The following MID1 variants were observed in gnomAD, a reference collection of about 807,000 sequenced individuals.
The protein encoded by MID1 is midline 1, also known as E3 ubiquitin-protein ligase Midline-1.
A neutral mutation model predicts 40.4 loss-of-function variants in MID1; 7 were observed. That is an observed-to-expected ratio of 0.17 (90% confidence interval 0.10 to 0.33). The LOEUF is 0.33. MID1 is among the 10% of genes least tolerant of loss of function. The pLI is 1.00. For synonymous variants in MID1, 229 were observed against 221.2 expected, an observed-to-expected ratio of 1.04 and a Z score of -0.31; for missense variants, 367 against 558.5, an observed-to-expected ratio of 0.66 and a Z score of 3.46.
At chrX:10,602,022 C>T (rs1305902301) in intron 1 of MID1, among the ~76,000 whole-genome samples, 2 of 108,058 alleles carry the variant, frequency 1.9e-5, no homozygotes, top group Non-Finnish European at 3.8e-5. Context: ...CTCAGCCTCC[C>T]GAGTAGCTGG....
intron 1 of MID1, among the ~76,000 whole-genome samples, chrX:10,814,710 C>T (rs1262766647): frequency 9.0e-6 from 1 of 110,938 alleles, no homozygotes; most frequent in Non-Finnish European, 1.9e-5. Context: ...CTCCTGCCCC[C>T]CTATCCTTAG....
chrX:10,614,722 C>G (rs923906032), intron 1 of MID1, among the ~76,000 whole-genome samples: 2 of 112,117 alleles, frequency 1.8e-5, no homozygotes, highest in Non-Finnish European at 3.8e-5. Flanking sequence ...CAGAAGACAT[C>G]AGAAGGATGG....
Position 10,454,984 on chromosome X carries a change from T to C in MID1, c.1541A>G (p.Lys514Arg). 4 of 1,209,795 alleles carry C rather than the reference T, an allele frequency of 3.3e-6. No individual in the cohort carries two copies. The highest frequency in any genetic ancestry group is 4.5e-6 in the Non-Finnish European group (4 of 893,585). The change falls in exon 9 of 10, where the codon AAG becomes AGG. Residue 514 changes from lysine to arginine, a missense_variant. Coordinates refer to ENST00000317552, the MANE Select transcript of MID1 (RefSeq NM_000381.4). ...GAAGCGTTCAGGTGTGTGACTCTTC[T>C]TGGATGATGACTCATCACGTTCTAC... is the stretch of plus-strand genomic sequence containing the variant. ...LTVERDESSS[K>R]KSHTPERFTS...
In MID1 at chrX:10,449,088, A is replaced by T; in HGVS notation, c.*280T>A. On this transcript the variant is annotated 3_prime_UTR_variant, in exon 10 of 10. Transcript: ENST00000317552. ...ATGGGCCTCTTAATGTGCAAAACCA[A>T]GTAATTCCTAAAAGTTGTAATCCTG... is the stretch of plus-strand genomic sequence containing the variant. The T allele has an allele frequency of 6.9e-6, 2 of 291,675 alleles. No individual in the cohort carries two copies. The highest frequency in any genetic ancestry group is 1.2e-5 in the Non-Finnish European group (2 of 166,491). The allele number at this position is 291,675 out of a possible 1,213,427, so 24.0% of individuals were successfully genotyped here.
chrX:10,521,998 C>G (rs1412353621), intron 3 of MID1, among the ~76,000 whole-genome samples: 1 of 111,357 alleles, frequency 9.0e-6, no homozygotes. Flanking sequence ...TGCTCCCACG[C>G]CTGGCTAATT....
intron 1 of MID1, among the ~76,000 whole-genome samples, chrX:10,825,807 C>A (rs1240893101): frequency 2.7e-5 from 3 of 111,329 alleles, no homozygotes; most frequent in Non-Finnish European, 5.7e-5. Flanking sequence ...ATATCCCACC[C>A]CAGGAAGTTA....
intron 1 of MID1, among the ~76,000 whole-genome samples, chrX:10,659,050 C>T (rs1220652980): frequency 3.7e-5 from 4 of 109,085 alleles, no homozygotes; most frequent in Non-Finnish European, 7.6e-5. Context: ...AACAAGGGTG[C>T]ATCCAAACTT....
chrX:10,488,260 A>G (rs1310516734), intron 4 of MID1, among the ~76,000 whole-genome samples: 1 of 111,635 alleles, frequency 9.0e-6, no homozygotes, highest in Admixed American at 9.5e-5. Context: ...CTGGGATTAC[A>G]GGTGTGAGCC....
chrX:10,571,914 G>A lies in MID1; in HGVS notation c.-56-4311C>T, dbSNP rs747920054. 5.5e-5 allele frequency among the ~76,000 whole-genome samples: 6 copies of A among 109,210 alleles called. No individual in the cohort carries two copies. In the East Asian group the frequency reaches 1.7e-3, roughly 31 times the overall value. 94.8% of individuals were successfully genotyped at this position (109,210 alleles called of 115,157 possible). A position where few individuals can be genotyped will look rare whatever the true frequency, so the allele number is the denominator to read the frequency against. On this transcript the variant is annotated intron_variant, in intron 1 of 9. Coordinates refer to ENST00000317552, the MANE Select transcript of MID1 (RefSeq NM_000381.4). ...GAAAAAAAAATGAACAAGGTGTAAT[G>A]CAACATAAAAAAAGATGCATGCCAA... is the stretch of plus-strand genomic sequence containing the variant.
intron 1 of MID1, among the ~76,000 whole-genome samples, chrX:10,694,496 C>A (rs903719220): frequency 6.2e-5 from 7 of 112,099 alleles, no homozygotes; most frequent in African/African-American, 2.3e-4. Flanking sequence ...TGCAAGTCCC[C>A]AGGCACCAAA....
intron 2 of MID1, among the ~76,000 whole-genome samples, chrX:10,553,425 A>G (rs1343624738): frequency 9.0e-6 from 1 of 111,535 alleles, no homozygotes; most frequent in Non-Finnish European, 1.9e-5. Context: ...AATGGATAAC[A>G]GATCAAAAAG....
intron 2 of MID1, among the ~76,000 whole-genome samples, chrX:10,564,917 A>G (rs143726501): frequency 7.4e-4 from 81 of 109,526 alleles, no homozygotes; most frequent in African/African-American, 2.6e-3. Context: ...TGGCATGTTT[A>G]CATTTTGGAA....
chrX:10,831,035 G>T lies in MID1; in HGVS notation c.-187+2519C>A, dbSNP rs148165635. Reference sequence around the variant, plus strand: ...CATGACAGAGAAATTGATGCAATCTGCACCATATATGGAGGTAAACTGATG... The same window carrying T: ...CATGACAGAGAAATTGATGCAATCTTCACCATATATGGAGGTAAACTGATG... On this transcript the variant is annotated intron_variant, in intron 1 of 10. Transcript: ENST00000380785. Among the ~76,000 whole-genome samples, 413 of 111,484 alleles carry T rather than the reference G, an allele frequency of 3.7e-3. 1 individual carries two copies. Among genetic ancestry groups the T allele is most frequent in the Middle Eastern group, 0.023 (5 of 215 alleles).
At chrX:10,498,019 G>A (rs143428050) in intron 3 of MID1, among the ~76,000 whole-genome samples, 1,291 of 112,547 alleles carry the variant, frequency 0.011, 8 homozygotes, top group Middle Eastern at 0.023. Context: ...TCAACATGCA[G>A]GTAATGGATT....
At chrX:10,568,468 G>A (rs896964962) in intron 1 of MID1, among the ~76,000 whole-genome samples, 4 of 111,563 alleles carry the variant, frequency 3.6e-5, no homozygotes, top group African/African-American at 1.3e-4. Context: ...GATAAGTTAT[G>A]TTATGACAAT....
rs1288702836 is a variant in MID1, at chrX:10,785,833, T to C, written c.-187+47721A>G. 9.6e-4 allele frequency among the ~76,000 whole-genome samples: 106 copies of C among 110,344 alleles called. 1 individual carries two copies. The highest frequency in any genetic ancestry group is 3.3e-3 in the African/African-American group (102 of 30,511). On this transcript the variant is annotated intron_variant, in intron 1 of 10. Transcript: ENST00000380785. ...AAATTAATTCAAGATGGATTAAAGA[T>C]TTAAATGTTAGACCTAAAACCATAA...
chrX:10,605,236 G>A (rs1008884982), intron 1 of MID1, among the ~76,000 whole-genome samples: 10 of 111,808 alleles, frequency 8.9e-5, no homozygotes, highest in African/African-American at 3.3e-4. Context: ...TATGTTATTT[G>A]GGGTTCTGGC....
chrX:10,455,326 T>TGTATA (rs766286807), intron 8 of MID1, among the ~76,000 whole-genome samples: 10 of 111,983 alleles, frequency 8.9e-5, no homozygotes, highest in Admixed American at 6.6e-4. Flanking sequence ...AGCAACTCTG[T>TGTATA]GTATAGTACA....
At chrX:10,614,412 T>C (rs1935805868) in intron 1 of MID1, among the ~76,000 whole-genome samples, 1 of 112,206 alleles carries the variant, frequency 8.9e-6, no homozygotes, top group Admixed American at 9.4e-5. Flanking sequence ...GCAAGTTCTG[T>C]CTGCCAAAGG....
Sources: gnomAD v4.1 joint callset for allele counts (sites outside exome capture counted in the v4.1 genomes callset) on GRCh38, gnomAD v4.1.1 for gene constraint, MANE v1.5 for transcripts, NCBI Gene and HGNC (gene_info 2026-07-23, HGNC 2026-07-21) for gene names.